The following ARMC7 variants were observed in gnomAD, a reference collection of about 807,000 sequenced individuals.
ARMC7 encodes the protein armadillo repeat-containing protein 7.
In ARMC7, 9 loss-of-function variants were observed where a neutral mutation model predicts 14.8. The ratio of observed to expected loss-of-function variants is 0.61; its 90% CI spans 0.37 to 1.06. The LOEUF (loss-of-function observed/expected upper bound fraction) is 1.06. Among genes scored for constraint, ARMC7 ranks in the 50% least tolerant of loss-of-function variants. The pLI, the probability that ARMC7 is intolerant of heterozygous loss-of-function variation, is 0.01. For missense variants in ARMC7, 262 were observed against 267.1 expected, an observed-to-expected ratio of 0.98 and a Z score of 0.13; for synonymous variants, 125 against 123.4, an observed-to-expected ratio of 1.01 and a Z score of -0.09.
Position 75,129,282 on chromosome 17 carries a change from C to T in ARMC7, c.*244C>T, listed in dbSNP as rs1390473505. 1.7e-6 allele frequency: 1 copy of T among 574,590 alleles called. No individual in the cohort carries two copies. The highest frequency in any genetic ancestry group is 3.0e-5 in the East Asian group (1 of 33,166). 35.6% of individuals were successfully genotyped at this position (574,590 alleles called of 1,614,324 possible). A position where few individuals can be genotyped will look rare whatever the true frequency, so the allele number is the denominator to read the frequency against. ...TCATAGGCTGGCACTCTCAATCCTA[C>T]ATCAGGTGCCACCACCACCAGACTC... On this transcript the variant is annotated 3_prime_UTR_variant, in exon 3 of 3. Coordinates refer to ENST00000245543, the MANE Select transcript of ARMC7 (RefSeq NM_024585.4).
intron 2 of ARMC7, among the ~76,000 whole-genome samples, chr17:75,112,707 C>T (rs1442951965): frequency 6.6e-6 from 1 of 151,110 alleles, no homozygotes; most frequent in Non-Finnish European, 1.5e-5. Context: ...TCCCGAGTAG[C>T]TGTGACTACA....
intron 2 of ARMC7, among the ~76,000 whole-genome samples, chr17:75,122,158 C>A (rs2074018206): frequency 6.6e-6 from 1 of 151,636 alleles, no homozygotes; most frequent in South Asian, 2.1e-4. Context: ...ATGGTGAAAC[C>A]CCATCTCTAC....
chr17:75,124,655 C>T (rs190732319), intron 2 of ARMC7, among the ~76,000 whole-genome samples: 1 of 151,864 alleles, frequency 6.6e-6, no homozygotes, highest in Admixed American at 6.6e-5. Flanking sequence ...CTGCCCAAGG[C>T]TGGATTCGTT....
chr17:75,122,195 G>T (rs1472513674), intron 2 of ARMC7, among the ~76,000 whole-genome samples: 1 of 151,736 alleles, frequency 6.6e-6, no homozygotes, highest in African/African-American at 2.4e-5. Context: ...AATTAGTCGG[G>T]CATGTTGACG....
intron 2 of ARMC7, among the ~76,000 whole-genome samples, chr17:75,116,377 C>T (rs1173918650): frequency 6.6e-6 from 1 of 152,152 alleles, no homozygotes; most frequent in Non-Finnish European, 1.5e-5. Flanking sequence ...CTTGTAATCC[C>T]AGCACTTTGG....
At chr17:75,114,276 A>G (rs1224204597) in intron 2 of ARMC7, 1 of 401,032 alleles carries the variant, frequency 2.5e-6, no homozygotes, top group East Asian at 3.6e-5. Context: ...CTGGAGAAAA[A>G]TTGGCGGAAG....
chr17:75,128,509 G>C (rs961677829), intron 2 of ARMC7, among the ~76,000 whole-genome samples, 168 bp from the exon 3 acceptor site: 15 of 152,172 alleles, frequency 9.9e-5, no homozygotes, highest in Admixed American at 9.8e-4. Flanking sequence ...GAGCAGGCAG[G>C]CAGGCCTTTC....
chr17:75,120,813 CAAAAAAA>C (rs145302822), intron 2 of ARMC7, among the ~76,000 whole-genome samples: 1 of 81,740 alleles, frequency 1.2e-5, no homozygotes. Context: ...GACTCGGTCT[CAAAAAAA>C]AAAAAAAAAA....
chr17:75,112,898 T>A (rs1419287626), intron 2 of ARMC7, among the ~76,000 whole-genome samples: 1 of 152,124 alleles, frequency 6.6e-6, no homozygotes, highest in Non-Finnish European at 1.5e-5. Flanking sequence ...GGAATGCAAA[T>A]GTTCCCCCTT....
At chr17:75,114,375 CA>C (rs1418465115) in intron 2 of ARMC7, 1 of 397,528 alleles carries the variant, frequency 2.5e-6, no homozygotes, top group Non-Finnish European at 4.4e-6. Flanking sequence ...TTTCCCAGGA[CA>C]GGGGCACCCT....
At chr17:75,126,279 A>G (rs1185039056) in intron 2 of ARMC7, among the ~76,000 whole-genome samples, 1 of 152,148 alleles carries the variant, frequency 6.6e-6, no homozygotes, top group Non-Finnish European at 1.5e-5. Context: ...ATCTGTCCCC[A>G]AGGCTAAGAG....
At chr17:75,128,205 G>A (rs1267562169) in intron 2 of ARMC7, among the ~76,000 whole-genome samples, 1 of 151,986 alleles carries the variant, frequency 6.6e-6, no homozygotes, top group East Asian at 1.9e-4. Flanking sequence ...CTCACAAGTA[G>A]CTGGGATTAC....
intron 2 of ARMC7, chr17:75,114,495 G>T: frequency 2.5e-6 from 1 of 392,598 alleles, no homozygotes; most frequent in Non-Finnish European, 4.5e-6. Flanking sequence ...TGGAGTCCGC[G>T]GTCCCAGCGT....
chr17:75,110,255 C>T lies in ARMC7; in HGVS notation c.-34C>T. The stretch of plus-strand genomic sequence containing the variant: ...TCCCCCTGCACCTTTCCCACCCTCC[C>T]GCCCGTCCCTGGGGGTCCTCCGTCA... On this transcript the variant is annotated 5_prime_UTR_variant, in exon 1 of 3. Transcript: ENST00000245543. 1 of 1,552,026 alleles carries T rather than the reference C, an allele frequency of 6.4e-7. No individual in the cohort carries two copies.
chr17:75,114,232 G>T, intron 2 of ARMC7: 1 of 401,240 alleles, frequency 2.5e-6, no homozygotes, highest in Admixed American at 4.4e-5. Flanking sequence ...TCCACCAGGG[G>T]GCGATAGAGC....
Position 75,128,607 on chromosome 17 carries a change from G to A in ARMC7, c.236-70G>A, listed in dbSNP as rs576759205. On this transcript the variant is annotated intron_variant, in intron 2 of 2. Coordinates refer to ENST00000245543, the MANE Select transcript of ARMC7 (RefSeq NM_024585.4). The stretch of plus-strand genomic sequence containing the variant: ...TCAACAGCCTGGGCCCCTACCTGGG[G>A]CTCACGGGCAGGGGAGGTGGGAGGA... The A allele has an allele frequency of 8.0e-5, 123 of 1,545,822 alleles. No individual in the cohort carries two copies. The African/African-American group carries it at 1.4e-3, about 17-fold the overall frequency.
At chr17:75,115,074 G>C (rs73995781) in intron 2 of ARMC7, among the ~76,000 whole-genome samples, 1,753 of 152,272 alleles carry the variant, frequency 0.012, 28 homozygotes, top group African/African-American at 0.04. Context: ...TGGTTTGAGT[G>C]CTTAGGCCTT....
rs780055517 is a variant in ARMC7, at chr17:75,110,312, C to G, written c.24C>G (p.Asp8Glu). 1 of 1,613,094 alleles carries G rather than the reference C, an allele frequency of 6.2e-7. No individual in the cohort carries two copies. Among genetic ancestry groups the G allele is most frequent in the Non-Finnish European group, 8.5e-7 (1 of 1,180,008 alleles). The change falls in exon 1 of 3, where the codon GAC becomes GAG. Residue 8 changes from aspartate (D) to glutamate (E), a missense_variant. Coordinates refer to ENST00000245543, the MANE Select transcript of ARMC7 (RefSeq NM_024585.4). The part of the protein sequence containing the change: MAQKPKV[D>E]PHVGRLGYLQ... ...CCATGGCCCAGAAGCCGAAGGTGGACCCCCACGTCGGGCGGCTGGGATACC... is the reference window on the plus strand; with the variant it reads ...CCATGGCCCAGAAGCCGAAGGTGGAGCCCCACGTCGGGCGGCTGGGATACC...
At chr17:75,113,065 G>T (rs947580911) in intron 2 of ARMC7, among the ~76,000 whole-genome samples, 11 of 147,654 alleles carry the variant, frequency 7.4e-5, no homozygotes, top group Non-Finnish European at 1.3e-4. Flanking sequence ...TTGCTCTGTC[G>T]CCCAGGCTGG....
Sources: gnomAD v4.1 joint callset for allele counts (sites outside exome capture counted in the v4.1 genomes callset) on GRCh38, gnomAD v4.1.1 for gene constraint, MANE v1.5 for transcripts, NCBI Gene and HGNC (gene_info 2026-07-23, HGNC 2026-07-21) for gene names.